Variants in CDH23 observed in about 807,000 individuals in gnomAD.
CDH23 encodes the protein cadherin-23.
Under a neutral mutation model 317.1 loss-of-function variants are expected in CDH23, and 189 were observed. The observed-to-expected ratio is 0.60, with a 90% CI of 0.53 to 0.67. The LOEUF is 0.67. CDH23 is among the 30% of genes least tolerant of loss of function. CDH23 has a pLI of 0.00. For synonymous variants in CDH23, 1,839 were observed against 1,876.8 expected (o/e 0.98, Z 0.52); for missense variants, 4,401 against 4,592.4 (o/e 0.96, Z 1.20).
rs555548984 is a variant in CDH23 at position 71,548,290 on chromosome 10, C to G, written c.430-18452C>G. ...GAGAGTGTCTTTGTGTATGTGTGTG[C>G]GTGGTGGAGGGGGGTGATGGCATAT... On this transcript the variant is annotated intron_variant, in intron 6 of 69. Transcript: ENST00000224721. Among the ~76,000 whole-genome samples the G allele has an allele frequency of 3.3e-5, 5 of 152,144 alleles. No homozygotes were observed. In the South Asian group the frequency reaches 1.0e-3, roughly 32 times the overall value.
At chr10:71,712,470 C>T (rs1866011773) in intron 27 of CDH23, 195 bp from the exon 28 acceptor site, 2 of 590,538 alleles carry the variant, frequency 3.4e-6, no homozygotes, top group South Asian at 2.1e-5. Flanking sequence ...ATGGCTGGCA[C>T]ATGGTGTTAT....
intron 11 of CDH23, among the ~76,000 whole-genome samples, chr10:71,635,575 G>A (rs1002282012): frequency 2.6e-5 from 4 of 152,058 alleles, no homozygotes; most frequent in African/African-American, 9.7e-5. Context: ...CAGATAACCT[G>A]CGGAGAGGAG....
At chr10:71,729,584 G>T (rs936271907) in intron 30 of CDH23, among the ~76,000 whole-genome samples, 9 of 152,214 alleles carry the variant, frequency 5.9e-5, no homozygotes, top group Non-Finnish European at 1.2e-4. Context: ...GGTGCAGTGG[G>T]GTGGGGTTGG....
chr10:71,679,559 T>A (rs1864525282), intron 17 of CDH23, 67 bp downstream of exon 17: 1 of 1,239,292 alleles, frequency 8.1e-7, no homozygotes. Context: ...CACTCACACC[T>A]CCCTTGTGGG....
chr10:71,403,376 T>TC (rs1847895887), intron 1 of CDH23, among the ~76,000 whole-genome samples: 3 of 117,388 alleles, frequency 2.6e-5, no homozygotes, highest in African/African-American at 8.5e-5. Flanking sequence ...TCTTTCTTTC[T>TC]TTCTTTCTTT....
intron 28 of CDH23, chr10:71,716,317 G>C (rs112655229): frequency 4.7e-6 from 7 of 1,496,680 alleles, no homozygotes; most frequent in Non-Finnish European, 5.4e-6. Context: ...AGCTGGCGAG[G>C]CTGGGGCCCT....
At chr10:71,526,729 A>G (rs1231636291) in intron 6 of CDH23, among the ~76,000 whole-genome samples, 1 of 152,192 alleles carries the variant, frequency 6.6e-6, no homozygotes, top group Non-Finnish European at 1.5e-5. Context: ...ACGATCATGG[A>G]GACTGCATGC....
intron 22 of CDH23, among the ~76,000 whole-genome samples, chr10:71,696,970 G>A (rs1865414282): frequency 6.6e-6 from 1 of 152,220 alleles, no homozygotes; most frequent in Non-Finnish European, 1.5e-5. Flanking sequence ...AGCTGGGGCT[G>A]GATCTCACCT....
At chr10:71,732,718 C>T in intron 32 of CDH23, 1 of 1,229,144 alleles carries the variant, frequency 8.1e-7, no homozygotes, top group Non-Finnish European at 1.0e-6. Context: ...AAAGTTTATA[C>T]CTATGCAGGC....
At position 71,784,961 on chromosome 10, in the gene CDH23, T is replaced by A; in HGVS notation, c.5573T>A (p.Ile1858Asn). Residue 1858 changes from isoleucine (I) to asparagine (N), a missense_variant, in exon 43 of 70, where the codon ATC becomes AAC. Ile to Asn is a moderately radical substitution (Grantham distance 149). Coordinates refer to ENST00000224721, the MANE Select transcript of CDH23 (RefSeq NM_022124.6). ...DPVLLNLPMN[I>N]TISENSPVSS... ...GTGCTGCTGAACCTGCCCATGAACA[T>A]CACCATCAGCGAGAACAGCCCTGTC... The A allele has an allele frequency of 6.2e-7, 1 of 1,614,012 alleles. No individual in the cohort carries two copies.
rs760994770 is a variant in CDH23 at position 71,806,849 on chromosome 10, C to T, written c.8179-428C>T. ...CTGAGACTACAGGCATAAGCCACTA[C>T]GCCCCGCCCAGCTCTGATTTATTGA... is the stretch of plus-strand genomic sequence containing the variant. On this transcript the variant is annotated intron_variant, in intron 57 of 69. Transcript: ENST00000224721. Among the ~76,000 whole-genome samples the T allele has an allele frequency of 8.7e-4, 132 of 152,350 alleles. 1 individual carries two copies. Among genetic ancestry groups the T allele is most frequent in the Non-Finnish European group, 1.1e-3 (73 of 68,032 alleles).
rs146135356 is a variant in CDH23, at chr10:71,804,662, G to A, written c.7873-1144G>A. ...TCTCATCGGCAGTGATTGAGCAGTC[G>A]GTCCTCTTTGCTCTGCTTTGCTCTT... On this transcript the variant is annotated intron_variant, in intron 55 of 69. Coordinates refer to ENST00000224721, the MANE Select transcript of CDH23 (RefSeq NM_022124.6). Among the ~76,000 whole-genome samples the A allele has an allele frequency of 4.9e-4, 75 of 152,246 alleles. No individual in the cohort carries two copies. In the South Asian group the frequency reaches 8.1e-3, roughly 16 times the overall value.
At chr10:71,504,908 G>C (rs1853549808) in intron 3 of CDH23, among the ~76,000 whole-genome samples, 1 of 152,172 alleles carries the variant, frequency 6.6e-6, no homozygotes, top group Non-Finnish European at 1.5e-5. Context: ...TTCTAACCTG[G>C]CTGTGTGTGA....
chr10:71,406,299 T>A (rs1386377638), intron 1 of CDH23, among the ~76,000 whole-genome samples: 1 of 152,202 alleles, frequency 6.6e-6, no homozygotes, highest in Non-Finnish European at 1.5e-5. Flanking sequence ...GAGGCTTTCC[T>A]CTGGGGAAGA....
chr10:71,443,300 G>C (rs1350060406), intron 2 of CDH23, among the ~76,000 whole-genome samples: 1 of 152,174 alleles, frequency 6.6e-6, no homozygotes, highest in Admixed American at 6.5e-5. Flanking sequence ...TTCCTGGCTT[G>C]GCCCACCCTG....
Position 71,800,643 on chromosome 10 carries a change from T to A in CDH23, c.7370T>A (p.Ile2457Asn). The change falls in exon 53 of 70, where the codon ATC becomes AAC. Residue 2457 changes from isoleucine to asparagine, a missense_variant. Physicochemically the swap from Ile to Asn is moderately radical, Grantham distance 149. This residue lies in a region of CDH23 where 189 missense variants were observed against 250.9 expected (regional missense o/e 0.75). Coordinates refer to ENST00000224721, the MANE Select transcript of CDH23 (RefSeq NM_022124.6). ...KFAINPTTGD[I>N]YVLSSLDREK... ...CCACCCTCCCCCTACTAGGGTGACA[T>A]CTATGTGCTGTCTTCTCTGGACCGG... The A allele has an allele frequency of 6.2e-7, 1 of 1,613,930 alleles. No homozygotes were observed. Among genetic ancestry groups the A allele is most frequent in the Non-Finnish European group, 8.5e-7 (1 of 1,179,864 alleles).
chr10:71,483,682 G>T (rs1348353325), intron 3 of CDH23, among the ~76,000 whole-genome samples: 1 of 152,216 alleles, frequency 6.6e-6, no homozygotes, highest in Non-Finnish European at 1.5e-5. Flanking sequence ...AGCCTTTTAG[G>T]TGCATCAGCT....
intron 3 of CDH23, among the ~76,000 whole-genome samples, chr10:71,480,308 G>A (rs1456624624): frequency 6.6e-6 from 1 of 152,252 alleles, no homozygotes; most frequent in East Asian, 1.9e-4. Flanking sequence ...ACCCCAGTCT[G>A]GCCCTATCGT....
chr10:71,401,029 T>A (rs1847755994), intron 1 of CDH23, among the ~76,000 whole-genome samples: 1 of 152,218 alleles, frequency 6.6e-6, no homozygotes, highest in South Asian at 2.1e-4. Context: ...GGCAATCCTG[T>A]TTGTCCATGA....
Sources: allele counts gnomAD v4.1 joint callset (sites outside exome capture counted in the v4.1 genomes callset), GRCh38; gene constraint gnomAD v4.1.1; regional missense constraint gnomAD v4.1.1; transcripts MANE v1.5; gene names NCBI Gene and HGNC (gene_info 2026-07-23, HGNC 2026-07-21).